Variants in ZNF517 observed in about 807,000 individuals in gnomAD.
The protein encoded by ZNF517 is zinc finger protein 517.
In ZNF517, 12 loss-of-function variants were observed where a neutral mutation model predicts 12.1. That is an observed-to-expected ratio of 0.99 (90% CI 0.63 to 1.61). The LOEUF (loss-of-function observed/expected upper bound fraction) is 1.61. ZNF517 is among the 40% of genes most tolerant of loss of function. The pLI is 0.00. For missense variants in ZNF517, 781 were observed against 693.2 expected (o/e 1.13, Z -1.42); for synonymous variants, 388 against 310.2 (o/e 1.25, Z -2.63).
chr8:144,812,158 A>C (rs1487856203), downstream of ZNF517, among the ~76,000 whole-genome samples: 12 of 140,042 alleles, frequency 8.6e-5, no homozygotes, highest in Non-Finnish European at 1.7e-4. Context: ...GGTGGGAGAG[A>C]CACTGACAGT....
At position 144,809,982 on chromosome 8, in the gene ZNF517, G is replaced by C. The variant is rs1056743764; in HGVS notation, c.*1587G>C. ...GCAGGAGAATCACTTCAACCTGGGA[G>C]GTAGAGGTTGCAGTGAGCCGAGATC... On this transcript the variant is annotated 3_prime_UTR_variant, in exon 5 of 5. Transcript: ENST00000359971. The C allele has an allele frequency of 1.1e-4, 50 of 442,124 alleles. 3 individuals are homozygous for C. 27.4% of individuals were successfully genotyped at this position (442,124 alleles called of 1,614,324 possible). A position where few individuals can be genotyped will look rare whatever the true frequency, so the allele number is the denominator to read the frequency against.
chr8:144,813,348 A>G (rs948956637), downstream of ZNF517, among the ~76,000 whole-genome samples: 2 of 151,602 alleles, frequency 1.3e-5, no homozygotes, highest in South Asian at 4.1e-4. Flanking sequence ...AAATTAACCA[A>G]TGAGGTTAAA....
rs565566245 is a variant in ZNF517 at position 144,800,231 on chromosome 8, T to C, written c.-46+1294T>C. 3.1e-4 allele frequency among the ~76,000 whole-genome samples: 47 copies of C among 152,292 alleles called. 1 individual carries two copies. Among genetic ancestry groups the C allele is most frequent in the African/African-American group, 1.1e-3 (44 of 41,580 alleles). ...TAGCACCCTCCTCCCCTTGACATTT[T>C]CTGTCTCAGCAACAGCTTGATCTGT... On this transcript the variant is annotated intron_variant, in intron 1 of 4. Transcript: ENST00000359971.
chr8:144,804,163 G>A lies in ZNF517; in HGVS notation c.199G>A (p.Glu67Lys), dbSNP rs766954418. 1 of 1,614,146 alleles carries A rather than the reference G, an allele frequency of 6.2e-7. No homozygotes were observed. The highest frequency in any genetic ancestry group is 2.2e-5 in the East Asian group (1 of 44,880). The change falls in exon 4 of 5, where the codon GAG becomes AAG. Residue 67 changes from glutamate to lysine, a missense_variant. Physicochemically the swap from Glu to Lys is moderately conservative, Grantham distance 56 (BLOSUM62 1). Coordinates refer to ENST00000359971, the MANE Select transcript of ZNF517 (RefSeq NM_213605.3). ...VAKPALISLL[E>K]QGEEPGALIL... ...CAAACCAGCACTGATCTCCCTATTG[G>A]AGCAAGGAGAGGAGCCGGGGGCCTT...
At chr8:144,812,426 A>C (rs1447335563), downstream of ZNF517, among the ~76,000 whole-genome samples, 2 of 150,144 alleles carry the variant, frequency 1.3e-5, no homozygotes, top group Non-Finnish European at 3.0e-5. Context: ...AGGCTGAGAC[A>C]GGGTGGGAGA....
intron 2 of ZNF517, chr8:144,803,284 C>G (rs555640669): frequency 4.3e-6 from 2 of 468,208 alleles, no homozygotes; most frequent in African/African-American, 3.9e-5. Context: ...GATGCTGACT[C>G]ACTGCTGGTG....
chr8:144,802,243 T>G (rs1222682798), intron 1 of ZNF517, among the ~76,000 whole-genome samples: 1 of 152,132 alleles, frequency 6.6e-6, no homozygotes, highest in Non-Finnish European at 1.5e-5. Flanking sequence ...TGAGCAATGT[T>G]GCCCAGGCCG....
At chr8:144,806,837 G>A (rs62531505) in intron 4 of ZNF517, among the ~76,000 whole-genome samples, 2,909 of 152,200 alleles carry the variant, frequency 0.019, 33 homozygotes, top group Non-Finnish European at 0.028. Flanking sequence ...CTCCCTACAC[G>A]TCTAACAAAG....
intron 1 of ZNF517, among the ~76,000 whole-genome samples, chr8:144,801,892 G>C (rs1468652173): frequency 1.3e-5 from 2 of 152,080 alleles, no homozygotes; most frequent in Non-Finnish European, 2.9e-5. Flanking sequence ...AATTAGCTGG[G>C]TGTGGTGGCA....
At position 144,807,995 on chromosome 8, in the gene ZNF517, G is replaced by T. The variant is rs758344290; in HGVS notation, c.1079G>T (p.Arg360Met). ...GGCGCCCTGCTCGGAGCTGCGCAGA[G>T]GCCCCAGGCGGGGGACCCGCCCCAC... ...GQGALLGAAQRPQAGDPPHEC... is the reference protein window; with the variant it reads ...GQGALLGAAQMPQAGDPPHEC... Residue 360 changes from arginine to methionine, a missense_variant, in exon 5 of 5, where the codon AGG becomes ATG. Coordinates refer to ENST00000359971, the MANE Select transcript of ZNF517 (RefSeq NM_213605.3). 7.1e-6 allele frequency: 11 copies of T among 1,552,726 alleles called. No individual in the cohort carries two copies. In the East Asian group the frequency reaches 1.6e-4, roughly 23 times the overall value.
At chr8:144,799,230 A>C (rs943495680) in intron 1 of ZNF517, among the ~76,000 whole-genome samples, 2 of 151,616 alleles carry the variant, frequency 1.3e-5, no homozygotes, top group African/African-American at 4.9e-5. Flanking sequence ...AGGCCTGGCG[A>C]GGTGGGGCTG....
intron 1 of ZNF517, among the ~76,000 whole-genome samples, chr8:144,801,958 A>G (rs548864781): frequency 6.6e-6 from 1 of 152,226 alleles, no homozygotes; most frequent in South Asian, 2.1e-4. Flanking sequence ...GCTTGAGCCC[A>G]GGAAGTTGAG....
intron 1 of ZNF517, 112 bp downstream of exon 1, chr8:144,799,049 G>A (rs1826801887): frequency 6.6e-6 from 1 of 152,228 alleles, no homozygotes. Flanking sequence ...GCAGGGAGCG[G>A]ACCCGCAGCC....
intron 3 of ZNF517, 59 bp from the exon 4 acceptor site, chr8:144,804,066 C>A: frequency 2.0e-6 from 3 of 1,529,926 alleles, no homozygotes; most frequent in Non-Finnish European, 1.8e-6. Context: ...CAGCCAGGCA[C>A]CTGGGCGTCC....
At position 144,808,277 on chromosome 8, in the gene ZNF517, G is replaced by T; in HGVS notation, c.1361G>T (p.Cys454Phe). ...CACAGCGGCGAGAGGCCATACCGGTGCCGCGCCTGCGGGAGGGCCTGCAGC... is the reference window on the plus strand; with the variant it reads ...CACAGCGGCGAGAGGCCATACCGGTTCCGCGCCTGCGGGAGGGCCTGCAGC... ...RLHSGERPYR[C>F]RACGRACSRL... Residue 454 changes from cysteine (C) to phenylalanine (F), a missense_variant, in exon 5 of 5, where the codon TGC (cysteine) becomes TTC (phenylalanine). By Grantham distance (205) the Cys-to-Phe change is radical (BLOSUM62 -2). Transcript: ENST00000359971. 1.3e-6 allele frequency: 2 copies of T among 1,567,508 alleles called. No homozygotes were observed. The highest frequency in any genetic ancestry group is 2.3e-5 in the South Asian group (2 of 85,742).
rs781114372 is a variant in ZNF517, at chr8:144,804,098, C to T, written c.161-27C>T. The T allele has an allele frequency of 6.8e-5, 109 of 1,606,462 alleles. 2 individuals carry two copies. Among genetic ancestry groups the T allele is most frequent in the Admixed American group, 1.7e-4 (10 of 59,846 alleles). On this transcript the variant is annotated intron_variant, in intron 3 of 4. Coordinates refer to ENST00000359971, the MANE Select transcript of ZNF517 (RefSeq NM_213605.3). ...GTCCCTTCTCCCTCCTGTACTGATA[C>T]GTGCTGCTTTCCTTCTCTGAGCTTA... is the stretch of plus-strand genomic sequence containing the variant.
Position 144,809,897 on chromosome 8 carries a change from A to C in ZNF517, c.*1502A>C. ...TGAGACCCCCGTCTCTACTAAAAGTACAAAAAGTAGCTGGGTGTGGTGCTG... is the reference window on the plus strand; with the variant it reads ...TGAGACCCCCGTCTCTACTAAAAGTCCAAAAAGTAGCTGGGTGTGGTGCTG... On this transcript the variant is annotated 3_prime_UTR_variant, in exon 5 of 5. Transcript: ENST00000359971. 2.8e-6 allele frequency: 1 copy of C among 356,148 alleles called. No homozygotes were observed. The highest frequency in any genetic ancestry group is 5.1e-6 in the Non-Finnish European group (1 of 197,298). The allele number at this position is 356,148 out of a possible 1,614,324, so 22.1% of individuals were successfully genotyped here. A position where few individuals can be genotyped will look rare whatever the true frequency, so the allele number is the denominator to read the frequency against.
At chr8:144,812,155 G>A (rs1391190608), downstream of ZNF517, among the ~76,000 whole-genome samples, 2 of 140,172 alleles carry the variant, frequency 1.4e-5, no homozygotes, top group East Asian at 2.2e-4. Flanking sequence ...CAGGGTGGGA[G>A]AGACACTGAC....
intron 1 of ZNF517, chr8:144,800,596 AGTGGCCCAG>A (rs1826908948): frequency 2.0e-6 from 2 of 985,188 alleles, no homozygotes; most frequent in Admixed American, 1.2e-4. Context: ...TGGCCATCGC[AGTGGCCCAG>A]GTGGGTCCTG....
Sources: gnomAD v4.1 joint callset for allele counts (sites outside exome capture counted in the v4.1 genomes callset) on GRCh38, gnomAD v4.1.1 for gene constraint, MANE v1.5 for transcripts, NCBI Gene and HGNC (gene_info 2026-07-23, HGNC 2026-07-21) for gene names.